The following NDST4 variants were observed in gnomAD, a reference collection of about 807,000 sequenced individuals.
The protein encoded by NDST4 is N-deacetylase and N-sulfotransferase 4, also known as N-heparan sulfate sulfotransferase 4.
Under a neutral mutation model 100.8 loss-of-function variants are expected in NDST4, and 63 were observed. That is an observed-to-expected ratio of 0.62 (90% confidence interval 0.51 to 0.77). The LOEUF is 0.77. Among genes scored for constraint, NDST4 ranks in the 30% least tolerant of loss-of-function variants. NDST4 has a pLI of 0.00. For missense variants in NDST4, 943 were observed against 1,018.4 expected (o/e 0.93, Z 1.01); for synonymous variants, 377 against 361.8 (o/e 1.04, Z -0.48).
At chr4:114,979,629 G>A (rs1220204578) in intron 2 of NDST4, among the ~76,000 whole-genome samples, 1 of 151,840 alleles carries the variant, frequency 6.6e-6, no homozygotes, top group Non-Finnish European at 1.5e-5. Flanking sequence ...CATTTCACCA[G>A]GATGTTTTAT....
intron 2 of NDST4, among the ~76,000 whole-genome samples, chr4:115,024,988 C>G (rs554758489): frequency 6.6e-6 from 1 of 152,258 alleles, no homozygotes; most frequent in Non-Finnish European, 1.5e-5. Context: ...AATTCACTTG[C>G]TCTTCTGCCT....
chr4:115,026,777 G>C (rs1261995885), intron 2 of NDST4, among the ~76,000 whole-genome samples: 2 of 152,042 alleles, frequency 1.3e-5, no homozygotes, highest in African/African-American at 4.8e-5. Flanking sequence ...TACAGCATAG[G>C]AGCTTTCAGA....
At chr4:114,894,695 A>G (rs974023687) in intron 6 of NDST4, among the ~76,000 whole-genome samples, 5 of 152,096 alleles carry the variant, frequency 3.3e-5, no homozygotes, top group Non-Finnish European at 5.9e-5. Flanking sequence ...AACAGAGACA[A>G]CCTGACTTCC....
chr4:114,981,386 A>C (rs1726769362), intron 2 of NDST4, among the ~76,000 whole-genome samples: 1 of 152,158 alleles, frequency 6.6e-6, no homozygotes, highest in African/African-American at 2.4e-5. Context: ...GAAAATTGCT[A>C]AAATTGTCAA....
intron 6 of NDST4, 115 bp from the exon 7 acceptor site, chr4:114,871,065 A>T: frequency 3.2e-6 from 2 of 628,196 alleles, no homozygotes; most frequent in Non-Finnish European, 5.1e-6. Flanking sequence ...AAGTACAATG[A>T]TCTTTTTAAG....
At chr4:115,099,684 G>A (rs1729691496) in intron 1 of NDST4, among the ~76,000 whole-genome samples, 1 of 152,152 alleles carries the variant, frequency 6.6e-6, no homozygotes, top group African/African-American at 2.4e-5. Context: ...GGAGGACATA[G>A]AGCAACAAGT....
In NDST4 at chr4:114,992,939, A is replaced by T. The variant is rs535111572; in HGVS notation, c.979-15665T>A. On this transcript the variant is annotated intron_variant, in intron 2 of 13. Coordinates refer to ENST00000264363, the MANE Select transcript of NDST4 (RefSeq NM_022569.3). The stretch of plus-strand genomic sequence containing the variant: ...AGCTGAATTGTAAATATTTTATCTG[A>T]TATTTGTATATTTTACTTAAAAAAT... Among the ~76,000 whole-genome samples the T allele has an allele frequency of 6.6e-5, 10 of 151,912 alleles. No homozygotes were observed. The East Asian group carries it at 9.7e-4, about 15-fold the overall frequency.
chr4:114,887,757 G>A (rs1196056921), intron 6 of NDST4, among the ~76,000 whole-genome samples: 1 of 152,056 alleles, frequency 6.6e-6, no homozygotes, highest in African/African-American at 2.4e-5. Flanking sequence ...CTTTCCCCAT[G>A]CAACTTAACT....
intron 11 of NDST4, among the ~76,000 whole-genome samples, chr4:114,835,229 T>A (rs992171884): frequency 2.0e-5 from 3 of 152,218 alleles, no homozygotes; most frequent in Non-Finnish European, 4.4e-5. Context: ...TGATTTTAGA[T>A]CTTTCCAGCT....
intron 2 of NDST4, among the ~76,000 whole-genome samples, chr4:114,978,599 T>C (rs1726695975): frequency 6.6e-6 from 1 of 152,074 alleles, no homozygotes; most frequent in Non-Finnish European, 1.5e-5. Flanking sequence ...ACAGTTGAGA[T>C]AAAAAGTGCA....
intron 11 of NDST4, among the ~76,000 whole-genome samples, chr4:114,838,174 C>T (rs1028067662): frequency 5.3e-5 from 8 of 152,030 alleles, no homozygotes; most frequent in Non-Finnish European, 7.4e-5. Flanking sequence ...AAACAACAGA[C>T]GCTGGAGAGA....
chr4:114,937,513 A>G lies in NDST4; in HGVS notation c.1222-10T>C. The stretch of plus-strand genomic sequence containing the variant: ...TTGGTATTCCATGTTCCTAAAACAA[A>G]GCCAGAACAACATCATGATGGGACA... On this transcript the variant is annotated splice_polypyrimidine_tract_variant and intron_variant, in intron 4 of 13. Coordinates refer to ENST00000264363, the MANE Select transcript of NDST4 (RefSeq NM_022569.3). 1 of 1,533,296 alleles carries G rather than the reference A, an allele frequency of 6.5e-7. No individual in the cohort carries two copies. The highest frequency in any genetic ancestry group is 8.8e-7 in the Non-Finnish European group (1 of 1,141,838). The allele number at this position is 1,533,296 out of a possible 1,614,324, so 95.0% of individuals were successfully genotyped here. A position where few individuals can be genotyped will look rare whatever the true frequency, so the allele number is the denominator to read the frequency against.
At chr4:114,947,531 A>G (rs1355473290) in intron 4 of NDST4, among the ~76,000 whole-genome samples, 8 of 152,170 alleles carry the variant, frequency 5.3e-5, no homozygotes, top group Admixed American at 5.2e-4. Flanking sequence ...ATTAAGTATT[A>G]AGTTTCTACT....
chr4:115,079,488 A>T (rs1172900911), intron 1 of NDST4, among the ~76,000 whole-genome samples: 2 of 152,080 alleles, frequency 1.3e-5, no homozygotes, highest in Non-Finnish European at 2.9e-5. Flanking sequence ...ATACAAGCTT[A>T]CTTCATCTGT....
chr4:115,074,959 G>C (rs773502214), intron 2 of NDST4, among the ~76,000 whole-genome samples: 1 of 152,132 alleles, frequency 6.6e-6, no homozygotes, highest in South Asian at 2.1e-4. Flanking sequence ...ACAAGTAAAA[G>C]ATCAGGTGAG....
intron 11 of NDST4, among the ~76,000 whole-genome samples, chr4:114,837,254 T>G (rs1461934930): frequency 2.0e-5 from 3 of 152,146 alleles, no homozygotes; most frequent in African/African-American, 7.2e-5. Flanking sequence ...CTTCGTGGAT[T>G]TATCTACCTT....
chr4:115,091,313 TG>T (rs1336833770), intron 1 of NDST4, among the ~76,000 whole-genome samples: 1 of 152,112 alleles, frequency 6.6e-6, no homozygotes, highest in African/African-American at 2.4e-5. Flanking sequence ...TTACAAGAAA[TG>T]ACAAAATTTC....
intron 4 of NDST4, among the ~76,000 whole-genome samples, chr4:114,968,630 T>C (rs1175621236): frequency 6.6e-6 from 1 of 152,188 alleles, no homozygotes; most frequent in African/African-American, 2.4e-5. Context: ...AGTGTGGCAG[T>C]CTTCCAACAA....
chr4:115,032,328 T>C (rs1202750677), intron 2 of NDST4, among the ~76,000 whole-genome samples: 1 of 152,168 alleles, frequency 6.6e-6, no homozygotes, highest in Non-Finnish European at 1.5e-5. Flanking sequence ...TCTCTTTTAA[T>C]TTAGTTTTTC....
Sources: gnomAD v4.1 joint callset for allele counts (sites outside exome capture counted in the v4.1 genomes callset) on GRCh38, gnomAD v4.1.1 for gene constraint, MANE v1.5 for transcripts, NCBI Gene and HGNC (gene_info 2026-07-23, HGNC 2026-07-21) for gene names.